Variants in ATG7 observed in about 807,000 individuals in gnomAD.
ATG7 encodes autophagy related 7.
In ATG7, 70 loss-of-function variants were observed where a neutral mutation model predicts 82.4. The observed-to-expected ratio is 0.85, with a 90% CI of 0.70 to 1.04. The LOEUF is 1.04. ATG7 is among the 50% of genes least tolerant of loss of function. ATG7 has a pLI of 0.00. For missense variants in ATG7, 792 were observed against 864.3 expected (o/e 0.92, Z 1.05); for synonymous variants, 287 against 313.0 (o/e 0.92, Z 0.88).
intron 19 of ATG7, among the ~76,000 whole-genome samples, chr3:11,406,162 G>C (rs1273099783): frequency 6.6e-6 from 1 of 151,904 alleles, no homozygotes; most frequent in East Asian, 1.9e-4. Context: ...GCTAATTTTT[G>C]TATTTTTGGT....
intron 1 of ATG7, among the ~76,000 whole-genome samples, chr3:11,274,407 T>C: frequency 6.6e-6 from 1 of 152,102 alleles, no homozygotes; most frequent in Non-Finnish European, 1.5e-5. Context: ...GGCTGACTCA[T>C]CAGAGAAGGT....
intron 20 of ATG7, among the ~76,000 whole-genome samples, chr3:11,434,339 G>A (rs769331505): frequency 2.0e-5 from 3 of 152,214 alleles, no homozygotes; most frequent in Non-Finnish European, 4.4e-5. Flanking sequence ...GTTTCCAATG[G>A]AGAGAAATCG....
At chr3:11,391,908 C>G (rs2152872943) in intron 19 of ATG7, among the ~76,000 whole-genome samples, 1 of 145,092 alleles carries the variant, frequency 6.9e-6, no homozygotes, top group Non-Finnish European at 1.5e-5. Context: ...AATCATCTCT[C>G]AGACAGTGAT....
At chr3:11,558,775 G>C, downstream of ATG7, 1 of 1,614,038 alleles carries the variant, frequency 6.2e-7, no homozygotes, top group Non-Finnish European at 8.5e-7. Context: ...TGTAATTCTT[G>C]CCCAGGCTCC....
chr3:11,336,384 G>A (rs1952496168), intron 11 of ATG7, among the ~76,000 whole-genome samples: 1 of 151,958 alleles, frequency 6.6e-6, no homozygotes, highest in Non-Finnish European at 1.5e-5. Context: ...ATTTGAAAAA[G>A]GTTTTCTGTC....
At chr3:11,523,842 C>A (rs950995006) in intron 20 of ATG7, among the ~76,000 whole-genome samples, 2 of 152,146 alleles carry the variant, frequency 1.3e-5, no homozygotes, top group African/African-American at 4.8e-5. Context: ...CAGCCAAATG[C>A]ATAGCAAGGG....
rs2072546313 is a variant in ATG7 at position 11,557,465 on chromosome 3, AATG to A, written c.*2626_*2628del. The stretch of plus-strand genomic sequence containing the variant: ...CAAAGCAGACAGGGATGCAAAAATA[AATG>A]ATGTCAGCCTGCAGCCAAACTCCAG... On this transcript the variant is annotated 3_prime_UTR_variant, in exon 21 of 21. Coordinates refer to ENST00000693202, the MANE Select transcript of ATG7 (RefSeq NM_001349232.2). 1 of 152,514 alleles carries A rather than the reference AATG, an allele frequency of 6.6e-6. No individual in the cohort carries two copies. Among genetic ancestry groups the A allele is most frequent in the South Asian group, 2.1e-4 (1 of 4,834 alleles). 9.4% of individuals were successfully genotyped at this position (152,514 alleles called of 1,614,324 possible). A position where few individuals can be genotyped will look rare whatever the true frequency, so the allele number is the denominator to read the frequency against.
chr3:11,283,073 G>C (rs1943341981), intron 3 of ATG7, among the ~76,000 whole-genome samples: 1 of 152,204 alleles, frequency 6.6e-6, no homozygotes, highest in Non-Finnish European at 1.5e-5. Flanking sequence ...TGGCACTTCT[G>C]CTAAGTGAAT....
At chr3:11,500,258 A>C (rs948535473) in intron 20 of ATG7, among the ~76,000 whole-genome samples, 16 of 152,188 alleles carry the variant, frequency 1.1e-4, no homozygotes, top group Admixed American at 1.0e-3. Context: ...GAATTCTAAC[A>C]TGTAGAATTT....
chr3:11,466,928 G>A (rs2086881122), intron 20 of ATG7, among the ~76,000 whole-genome samples: 1 of 152,154 alleles, frequency 6.6e-6, no homozygotes, highest in African/African-American at 2.4e-5. Flanking sequence ...TCAGGAGTTT[G>A]AGATCAGCCT....
At position 11,469,757 on chromosome 3, in the gene ATG7, G is replaced by A. The variant is rs186481386; in HGVS notation, c.2079+42831G>A. Among the ~76,000 whole-genome samples the A allele has an allele frequency of 8.4e-4, 128 of 151,708 alleles. 1 individual carries two copies. Among genetic ancestry groups the A allele is most frequent in the African/African-American group, 2.8e-3 (117 of 41,352 alleles). On this transcript the variant is annotated intron_variant, in intron 20 of 20. Coordinates refer to ENST00000693202, the MANE Select transcript of ATG7 (RefSeq NM_001349232.2). ...TCCTAGCACTTTGGGAGGCTGAGGC[G>A]GGGTAGATCATTTGAGTTCAGGAGT...
At chr3:11,424,205 T>C (rs1380373911) in intron 19 of ATG7, among the ~76,000 whole-genome samples, 1 of 152,172 alleles carries the variant, frequency 6.6e-6, no homozygotes, top group African/African-American at 2.4e-5. Context: ...AACCTCTTCA[T>C]CAGTGCTTTA....
intron 3 of ATG7, among the ~76,000 whole-genome samples, chr3:11,285,613 C>G (rs928721486): frequency 1.3e-5 from 2 of 152,180 alleles, no homozygotes; most frequent in Non-Finnish European, 2.9e-5. Context: ...CCCCAGGAGC[C>G]TTCCTCGTGG....
At position 11,555,116 on chromosome 3, in the gene ATG7, A is replaced by C. The variant is rs2125077651; in HGVS notation, c.*273A>C. On this transcript the variant is annotated 3_prime_UTR_variant, in exon 21 of 21. Coordinates refer to ENST00000693202, the MANE Select transcript of ATG7 (RefSeq NM_001349232.2). ...CTCCATGCAGTTTTTATTTCTTGTC[A>C]CAGTGACTGATAGCCATCCCCCAGG... is the stretch of plus-strand genomic sequence containing the variant. 2.1e-6 allele frequency: 1 copy of C among 481,414 alleles called. No individual in the cohort carries two copies. Among genetic ancestry groups the C allele is most frequent in the African/African-American group, 2.0e-5 (1 of 50,188 alleles). 29.8% of individuals were successfully genotyped at this position (481,414 alleles called of 1,614,324 possible).
chr3:11,563,180 T>TC, the ATG7 span, among the ~76,000 whole-genome samples: 1 of 152,118 alleles, frequency 6.6e-6, no homozygotes, highest in Non-Finnish European at 1.5e-5. Flanking sequence ...CACAGTTATG[T>TC]CCCCCAGGTC....
chr3:11,379,043 G>T (rs909985460), intron 18 of ATG7, among the ~76,000 whole-genome samples: 1 of 152,058 alleles, frequency 6.6e-6, no homozygotes, highest in African/African-American at 2.4e-5. Context: ...CCGGGGGCAG[G>T]TTCACATCAG....
At chr3:11,565,223 C>T in the ATG7 span, among the ~76,000 whole-genome samples, 13 of 152,262 alleles carry the variant, frequency 8.5e-5, no homozygotes, top group South Asian at 2.1e-4. This position sits in a 1 kb window ranked among gnomAD's most constrained non-coding sequence, Gnocchi z 4.1. Flanking sequence ...CTGCTGCCAG[C>T]GGAGTCCAAA....
intron 18 of ATG7, among the ~76,000 whole-genome samples, chr3:11,377,433 C>T (rs564885768): frequency 2.6e-5 from 4 of 152,232 alleles, no homozygotes; most frequent in East Asian, 1.9e-4. Context: ...TTCTATTCCT[C>T]GCCACCTGTG....
chr3:11,335,943 C>T (rs1001614571), intron 11 of ATG7, among the ~76,000 whole-genome samples: 10 of 151,998 alleles, frequency 6.6e-5, no homozygotes, highest in African/African-American at 1.9e-4. Context: ...ATGATCCACC[C>T]GCCTCGGCCT....
Sources: allele counts gnomAD v4.1 joint callset (sites outside exome capture counted in the v4.1 genomes callset), GRCh38; gene constraint gnomAD v4.1.1; non-coding constraint Gnocchi (gnomAD v3.1); transcripts MANE v1.5; gene names NCBI Gene and HGNC (gene_info 2026-07-23, HGNC 2026-07-21).